The following AKAP19 variants were observed in gnomAD, a reference collection of about 807,000 sequenced individuals.
The protein encoded by AKAP19 is A-kinase anchoring protein 19, also known as small A-kinase anchoring protein.
chr2:189,918,820 A>G, the AKAP19 span, among the ~76,000 whole-genome samples: 1 of 152,230 alleles, frequency 6.6e-6, no homozygotes, highest in South Asian at 2.1e-4. Context: ...TTTTTCAGCC[A>G]TACAAAAGAA....
the AKAP19 span, among the ~76,000 whole-genome samples, chr2:189,958,748 T>C: frequency 6.6e-6 from 1 of 151,930 alleles, no homozygotes. Flanking sequence ...GTGATACCTT[T>C]ATATAATGGA....
the AKAP19 span, among the ~76,000 whole-genome samples, chr2:189,978,036 A>C: frequency 6.6e-6 from 1 of 152,148 alleles, no homozygotes; most frequent in Non-Finnish European, 1.5e-5. Context: ...AAGTGTTCTG[A>C]TCATGTTTAA....
the AKAP19 span, among the ~76,000 whole-genome samples, chr2:189,885,869 T>C: frequency 6.6e-6 from 1 of 152,094 alleles, no homozygotes; most frequent in Non-Finnish European, 1.5e-5. Context: ...AGTGCAATGG[T>C]ACAATCTCGG....
At chr2:190,080,801 G>A in the AKAP19 span, among the ~76,000 whole-genome samples, 2 of 152,314 alleles carry the variant, frequency 1.3e-5, no homozygotes, top group South Asian at 2.1e-4. Flanking sequence ...GAGCAGGGAT[G>A]TTTTAACACT....
chr2:190,018,542 T>A, the AKAP19 span, among the ~76,000 whole-genome samples: 2 of 152,180 alleles, frequency 1.3e-5, no homozygotes, highest in African/African-American at 4.8e-5. Flanking sequence ...TTCACATGTT[T>A]TCTATTTGTT....
At chr2:190,113,962 C>T in the AKAP19 span, among the ~76,000 whole-genome samples, 193 of 152,164 alleles carry the variant, frequency 1.3e-3, 2 homozygotes, top group African/African-American at 4.4e-3. Flanking sequence ...TTCTTTTTTT[C>T]CTCTCTTACC....
the AKAP19 span, among the ~76,000 whole-genome samples, chr2:190,119,369 T>C: frequency 9.2e-5 from 14 of 152,192 alleles, no homozygotes; most frequent in African/African-American, 3.4e-4. Flanking sequence ...CTGATTTGCA[T>C]AGGGCTCAGG....
chr2:190,044,715 T>C, the AKAP19 span, among the ~76,000 whole-genome samples: 2 of 152,192 alleles, frequency 1.3e-5, no homozygotes, highest in Non-Finnish European at 2.9e-5. Context: ...TGCAGTATGC[T>C]TGGGGCCTAG....
chr2:190,018,988 T>C, the AKAP19 span, among the ~76,000 whole-genome samples: 1 of 152,134 alleles, frequency 6.6e-6, no homozygotes, highest in East Asian at 1.9e-4. Context: ...CTGATTGGGA[T>C]GGGTCATAGG....
At chr2:190,130,426 C>G in the AKAP19 span, among the ~76,000 whole-genome samples, 1 of 152,150 alleles carries the variant, frequency 6.6e-6, no homozygotes, top group Non-Finnish European at 1.5e-5. Context: ...CATATTCAAA[C>G]GTATCATTTT....
chr2:190,117,351 G>A, the AKAP19 span, among the ~76,000 whole-genome samples: 1 of 151,946 alleles, frequency 6.6e-6, no homozygotes, highest in African/African-American at 2.4e-5. Context: ...ATCCTATAAT[G>A]TTATTGTGAA....
chr2:189,971,967 G>A, the AKAP19 span, among the ~76,000 whole-genome samples: 14 of 151,856 alleles, frequency 9.2e-5, no homozygotes, highest in African/African-American at 3.4e-4. Context: ...CTTTTGCTGT[G>A]CAGAAGCTCT....
At chr2:189,904,537 G>C in the AKAP19 span, among the ~76,000 whole-genome samples, 3 of 152,030 alleles carry the variant, frequency 2.0e-5, no homozygotes, top group East Asian at 5.8e-4. Flanking sequence ...AATGTGAAAT[G>C]CAAAAACAAT....
At chr2:190,173,024 A>C in the AKAP19 span, among the ~76,000 whole-genome samples, 4 of 152,086 alleles carry the variant, frequency 2.6e-5, no homozygotes, top group African/African-American at 9.7e-5. Flanking sequence ...CTGAGGCAGG[A>C]GAATCACTTG....
the AKAP19 span, among the ~76,000 whole-genome samples, chr2:190,106,590 A>G: frequency 1.3e-5 from 2 of 152,122 alleles, no homozygotes; most frequent in Non-Finnish European, 2.9e-5. Context: ...AAATTTCTAG[A>G]TTATTCTGAA....
At chr2:190,121,425 C>T in the AKAP19 span, among the ~76,000 whole-genome samples, 1 of 152,080 alleles carries the variant, frequency 6.6e-6, no homozygotes, top group African/African-American at 2.4e-5. Context: ...TTATTTTCTT[C>T]AGAACAATTT....
At chr2:189,989,702 A>T in the AKAP19 span, among the ~76,000 whole-genome samples, 1 of 152,200 alleles carries the variant, frequency 6.6e-6, no homozygotes, top group Non-Finnish European at 1.5e-5. Context: ...GTAGAACCCC[A>T]TCTGGAAAAG....
chr2:189,986,765 A>G, the AKAP19 span, among the ~76,000 whole-genome samples: 22 of 152,276 alleles, frequency 1.4e-4, no homozygotes, highest in South Asian at 3.7e-3. Flanking sequence ...TGTCACTTTT[A>G]GTAATGTATT....
the AKAP19 span, among the ~76,000 whole-genome samples, chr2:190,077,442 A>T: frequency 0.12 from 18,647 of 151,896 alleles, 3,038 homozygotes; most frequent in African/African-American, 0.37. Context: ...TTAAACATTT[A>T]AAATGTTAAC....
Sources: allele counts gnomAD v4.1 joint callset (sites outside exome capture counted in the v4.1 genomes callset), GRCh38; gene constraint gnomAD v4.1.1; transcripts MANE v1.5; gene names NCBI Gene and HGNC (gene_info 2026-07-23, HGNC 2026-07-21).